Variants in KCNQ1 observed in about 807,000 individuals in gnomAD.
KCNQ1 encodes potassium voltage-gated channel subfamily KQT member 1.
In KCNQ1, 49 loss-of-function variants were observed where a neutral mutation model predicts 72.4. The observed-to-expected ratio is 0.68, with a 90% CI of 0.54 to 0.86. The LOEUF (loss-of-function observed/expected upper bound fraction) is 0.86, where lower values mean the gene tolerates loss of function less well. Ranked by LOEUF, KCNQ1 falls within the 40% of genes least tolerant of loss-of-function variation. The pLI, the probability that KCNQ1 is intolerant of heterozygous loss-of-function variation, is 0.00. For missense variants in KCNQ1, 790 were observed against 945.1 expected, an observed-to-expected ratio of 0.84 and a Z score of 2.15; for synonymous variants, 450 against 412.6, an observed-to-expected ratio of 1.09 and a Z score of -1.10.
Position 2,483,450 on chromosome 11 carries a change from T to C in KCNQ1, c.386+37966T>C, listed in dbSNP as rs1192645620. Among the ~76,000 whole-genome samples, 1 of 152,184 alleles carries C rather than the reference T, an allele frequency of 6.6e-6. No individual in the cohort carries two copies. Among genetic ancestry groups the C allele is most frequent in the Non-Finnish European group, 1.5e-5 (1 of 68,034 alleles). ...CCTGATACATTACCGTGAACTCAAC[T>C]GCAGATCTGATTCAAATCCCGCGTT... On this transcript the variant is annotated intron_variant, in intron 1 of 15. Coordinates refer to ENST00000155840, the MANE Select transcript of KCNQ1 (RefSeq NM_000218.3). This position sits in a 1 kb window ranked among gnomAD's most constrained non-coding sequence, Gnocchi z 6.1.
rs1848389550 is a variant in KCNQ1, at chr11:2,848,501, G to A, written c.*498G>A. On this transcript the variant is annotated 3_prime_UTR_variant, in exon 16 of 16. Transcript: ENST00000155840. ...AGGGCCGCCGGCAATAAAAGCCCAGGAGCCCATTTGGAGGGCCTGGGCCTG... is the reference window on the plus strand; with the variant it reads ...AGGGCCGCCGGCAATAAAAGCCCAGAAGCCCATTTGGAGGGCCTGGGCCTG... 4.4e-6 allele frequency: 2 copies of A among 455,660 alleles called. No individual in the cohort carries two copies. The highest frequency in any genetic ancestry group is 4.0e-5 in the African/African-American group (2 of 50,078). The allele number at this position is 455,660 out of a possible 1,614,324, so 28.2% of individuals were successfully genotyped here.
In KCNQ1 at chr11:2,746,309, T is replaced by A. The variant is rs892903006; in HGVS notation, c.1515-22535T>A. 6.6e-6 allele frequency among the ~76,000 whole-genome samples: 1 copy of A among 152,214 alleles called. No homozygotes were observed. Among genetic ancestry groups the A allele is most frequent in the African/African-American group, 2.4e-5 (1 of 41,450 alleles). ...GGTGCCCTTCCCCCAGCAGCCCTAT[T>A]ATCAGCATCTCACATTAGTATGCAT... On this transcript the variant is annotated intron_variant, in intron 11 of 15. Coordinates refer to ENST00000155840, the MANE Select transcript of KCNQ1 (RefSeq NM_000218.3). This position sits in a 1 kb window ranked among gnomAD's most constrained non-coding sequence, Gnocchi z 5.9.
rs1378291848 is a variant in KCNQ1 at position 2,768,762 on chromosome 11, C to A, written c.1515-82C>A. 9.7e-7 allele frequency: 1 copy of A among 1,032,048 alleles called. No individual in the cohort carries two copies. The highest frequency in any genetic ancestry group is 1.5e-6 in the Non-Finnish European group (1 of 649,566). The allele number at this position is 1,032,048 out of a possible 1,614,324, so 63.9% of individuals were successfully genotyped here. A position where few individuals can be genotyped will look rare whatever the true frequency, so the allele number is the denominator to read the frequency against. ...TTTCTGGAAGGATCCAGTCTGCGTGCTCCTCAGGCAGTGCAGGGGCAGTGA... is the reference window on the plus strand; with the variant it reads ...TTTCTGGAAGGATCCAGTCTGCGTGATCCTCAGGCAGTGCAGGGGCAGTGA... On this transcript the variant is annotated intron_variant, in intron 11 of 15. Coordinates refer to ENST00000155840, the MANE Select transcript of KCNQ1 (RefSeq NM_000218.3). This position sits in a 1 kb window ranked among gnomAD's most constrained non-coding sequence, Gnocchi z 6.7.
At chr11:2,456,537 A>G (rs906000089) in intron 1 of KCNQ1, among the ~76,000 whole-genome samples, 2 of 152,140 alleles carry the variant, frequency 1.3e-5, no homozygotes, top group Non-Finnish European at 1.5e-5. Context: ...ATGGGAGAAA[A>G]TATTAGCAAA....
rs75813654 is a variant in KCNQ1 at position 2,571,339 on chromosome 11, G to C, written c.619G>C (p.Val207Leu). Residue 207 changes from valine (V) to leucine (L), a missense_variant, in exon 4 of 16, where the codon GTG becomes CTG. Coordinates refer to ENST00000155840, the MANE Select transcript of KCNQ1 (RefSeq NM_000218.3). ...GCACTCCACAGACCTCATCGTGGTCGTGGCCTCCATGGTGGTCCTCTGCGT... is the reference window on the plus strand; with the variant it reads ...GCACTCCACAGACCTCATCGTGGTCCTGGCCTCCATGGTGGTCCTCTGCGT... ...PISIIDLIVV[V>L]ASMVVLCVGS... The C allele has an allele frequency of 6.2e-7, 1 of 1,613,160 alleles. No homozygotes were observed. Among genetic ancestry groups the C allele is most frequent in the East Asian group, 2.2e-5 (1 of 44,868 alleles).
At position 2,703,820 on chromosome 11, in the gene KCNQ1, G is replaced by A. The variant is rs1254566741; in HGVS notation, c.1514+41739G>A. The stretch of plus-strand genomic sequence containing the variant: ...CTCTCCCTACCCTGCCCCCACCCTC[G>A]GAGTCTAAGGGTGGAACCATCTTCA... On this transcript the variant is annotated intron_variant, in intron 11 of 15. Transcript: ENST00000155840. This position sits in a 1 kb window ranked among gnomAD's most constrained non-coding sequence, Gnocchi z 6.4. Among the ~76,000 whole-genome samples, 2 of 152,142 alleles carry A rather than the reference G, an allele frequency of 1.3e-5. No individual in the cohort carries two copies. The highest frequency in any genetic ancestry group is 1.3e-4 in the Admixed American group (2 of 15,274).
At position 2,700,489 on chromosome 11, in the gene KCNQ1, C is replaced by T. The variant is rs1402047231; in HGVS notation, c.1514+38408C>T. ...CCCGAGACCAGCCCCTCCGCCGGCG[C>T]CGCTGCAGCGACCCTCGAACCCGGG... is the stretch of plus-strand genomic sequence containing the variant. On this transcript the variant is annotated intron_variant, in intron 11 of 15. Transcript: ENST00000155840. Among the ~76,000 whole-genome samples the T allele has an allele frequency of 4.6e-5, 7 of 152,212 alleles. No individual in the cohort carries two copies. In the East Asian group the frequency reaches 5.8e-4, roughly 13 times the overall value.
At chr11:2,568,876 A>ATTTTTGT (rs1335393637) in intron 2 of KCNQ1, among the ~76,000 whole-genome samples, 2 of 151,456 alleles carry the variant, frequency 1.3e-5, no homozygotes, top group African/African-American at 4.9e-5. Context: ...TTGTTTTTTG[A>ATTTTTGT]TTTTTGTTTT....
Position 2,492,350 on chromosome 11 carries a change from G to A in KCNQ1, c.387-35578G>A, listed in dbSNP as rs1437495090. Among the ~76,000 whole-genome samples the A allele has an allele frequency of 1.3e-5, 2 of 152,206 alleles. No individual in the cohort carries two copies. Among genetic ancestry groups the A allele is most frequent in the Non-Finnish European group, 2.9e-5 (2 of 67,974 alleles). ...GGAGAGACAAAAGTTGAAGTGTAGA[G>A]ATTTTTTGTTTTACTTTAAGTTCTG... On this transcript the variant is annotated intron_variant, in intron 1 of 15. Transcript: ENST00000155840. This position sits in a 1 kb window ranked among gnomAD's most constrained non-coding sequence, Gnocchi z 4.1.
In KCNQ1 at chr11:2,608,980, A is replaced by G; in HGVS notation, c.1393+20126A>G. ...ATCAAAGGTTTGTTAATTTCAAAGA[A>G]CCAAATTTTGGATTTGTTGACTTTA... On this transcript the variant is annotated intron_variant, in intron 10 of 15. Transcript: ENST00000155840. This position sits in a 1 kb window ranked among gnomAD's most constrained non-coding sequence, Gnocchi z 4.6. 1 of 398,316 alleles carries G rather than the reference A, an allele frequency of 2.5e-6. No homozygotes were observed. The highest frequency in any genetic ancestry group is 2.1e-5 in the African/African-American group (1 of 48,672). 24.7% of individuals were successfully genotyped at this position (398,316 alleles called of 1,614,324 possible).
At chr11:2,453,380 A>T (rs546362651) in intron 1 of KCNQ1, among the ~76,000 whole-genome samples, 1 of 133,562 alleles carries the variant, frequency 7.5e-6, no homozygotes, top group East Asian at 2.1e-4. Context: ...TCTCAGGGAA[A>T]AAAAAAAATC....
At position 2,528,036 on chromosome 11, in the gene KCNQ1, G is replaced by A; in HGVS notation, c.477+18G>A. On this transcript the variant is annotated intron_variant, in intron 2 of 15. Coordinates refer to ENST00000155840, the MANE Select transcript of KCNQ1 (RefSeq NM_000218.3). ...TCTGGATGGTACGTAGCATCTGAGG[G>A]CATGGCTGGATGTCATGGCTGCCTT... 1 of 1,595,974 alleles carries A rather than the reference G, an allele frequency of 6.3e-7. No homozygotes were observed.
chr11:2,829,189 C>A (rs1258715539), intron 15 of KCNQ1, among the ~76,000 whole-genome samples: 2 of 152,094 alleles, frequency 1.3e-5, no homozygotes, highest in East Asian at 3.9e-4. Flanking sequence ...CAGGGAGACT[C>A]CAACACCAAA....
chr11:2,627,322 A>C lies in KCNQ1; in HGVS notation c.1394-34639A>C, dbSNP rs1849277339. The C allele has an allele frequency of 2.5e-6, 1 of 398,446 alleles. No homozygotes were observed. The highest frequency in any genetic ancestry group is 2.1e-5 in the African/African-American group (1 of 48,630). 24.7% of individuals were successfully genotyped at this position (398,446 alleles called of 1,614,324 possible). ...GCCATGTGTGTGCGTGTGTGTGGTC[A>C]GAATACCTAAGCTATACTCTCTTAG... On this transcript the variant is annotated intron_variant, in intron 10 of 15. Transcript: ENST00000155840. This position sits in a 1 kb window ranked among gnomAD's most constrained non-coding sequence, Gnocchi z 4.9.
intron 6 of KCNQ1, among the ~76,000 whole-genome samples, chr11:2,574,929 G>C (rs1173654789): frequency 6.6e-6 from 1 of 152,140 alleles, no homozygotes; most frequent in East Asian, 1.9e-4. Context: ...CCCCCTGCGG[G>C]AGCCTGCCTG....
chr11:2,523,868 T>C (rs1021323965), intron 1 of KCNQ1, among the ~76,000 whole-genome samples: 9 of 150,094 alleles, frequency 6.0e-5, no homozygotes, highest in African/African-American at 2.0e-4. Flanking sequence ...CTCCATTTGC[T>C]CATCTGAGAG....
chr11:2,529,676 G>A (rs764157466), intron 2 of KCNQ1, among the ~76,000 whole-genome samples: 2 of 152,086 alleles, frequency 1.3e-5, no homozygotes, highest in African/African-American at 2.4e-5. Flanking sequence ...GCTACTTCTC[G>A]TGACTGTGGT....
intron 14 of KCNQ1, 35 bp downstream of exon 14, chr11:2,777,067 G>A (rs1352210481): frequency 2.5e-6 from 4 of 1,607,052 alleles, no homozygotes; most frequent in East Asian, 2.2e-5. Flanking sequence ...GGGCCCAGCA[G>A]CCTGCAATGG....
chr11:2,553,944 T>C (rs1026543307), intron 2 of KCNQ1, among the ~76,000 whole-genome samples: 3 of 152,224 alleles, frequency 2.0e-5, no homozygotes, highest in African/African-American at 7.2e-5. Context: ...CTTGAACTCC[T>C]GACCTCAGGT....
Sources: allele counts gnomAD v4.1 joint callset (sites outside exome capture counted in the v4.1 genomes callset), GRCh38; gene constraint gnomAD v4.1.1; non-coding constraint Gnocchi (gnomAD v3.1); transcripts MANE v1.5; gene names NCBI Gene and HGNC (gene_info 2026-07-23, HGNC 2026-07-21).